Variants in GPC5 observed in about 807,000 individuals in gnomAD.
GPC5 encodes glypican-5.
GPC5 carries 47 observed loss-of-function variants against 53.9 expected under a neutral mutation model. That is an observed-to-expected ratio of 0.87 (90% CI 0.69 to 1.11). The LOEUF is 1.11. Ranked by LOEUF, GPC5 falls within the 50% of genes most tolerant of loss-of-function variation. The probability of loss-of-function intolerance (pLI) is 0.00; values close to 1 mark genes in which losing one functional copy is unlikely to be tolerated. For missense variants in GPC5, 748 were observed against 713.1 expected (o/e 1.05, Z -0.56); for synonymous variants, 286 against 263.3 (o/e 1.09, Z -0.84).
chr13:92,285,336 A>G (rs1426031347), intron 7 of GPC5, among the ~76,000 whole-genome samples: 3 of 152,216 alleles, frequency 2.0e-5, no homozygotes, highest in Admixed American at 1.3e-4. Context: ...TATAGATTCA[A>G]TGCCATCCCC....
chr13:92,611,987 C>T (rs1044933906), intron 7 of GPC5, among the ~76,000 whole-genome samples: 1 of 152,062 alleles, frequency 6.6e-6, no homozygotes, highest in African/African-American at 2.4e-5. Flanking sequence ...ATATTTTTAG[C>T]TCAGAGCTAT....
At chr13:92,487,569 C>T (rs1303776586) in intron 7 of GPC5, among the ~76,000 whole-genome samples, 1 of 152,088 alleles carries the variant, frequency 6.6e-6, no homozygotes, top group African/African-American at 2.4e-5. Flanking sequence ...GAGTAGAAAA[C>T]TTTCTGCATC....
At chr13:92,859,626 A>G (rs1387567949) in intron 7 of GPC5, among the ~76,000 whole-genome samples, 2 of 152,128 alleles carry the variant, frequency 1.3e-5, no homozygotes, top group African/African-American at 4.8e-5. Context: ...ACTAAGAACT[A>G]GTATATAACT....
chr13:92,385,728 C>T (rs1360129344), intron 7 of GPC5, among the ~76,000 whole-genome samples: 2 of 134,202 alleles, frequency 1.5e-5, no homozygotes, highest in East Asian at 4.4e-4. Context: ...TACATATATA[C>T]ATGTATATAT....
intron 1 of GPC5, among the ~76,000 whole-genome samples, chr13:91,403,962 T>A (rs1234624037): frequency 6.6e-6 from 1 of 152,194 alleles, no homozygotes; most frequent in South Asian, 2.1e-4. Context: ...ATCCCATAAT[T>A]TAAGTTCCAT....
chr13:92,185,058 C>T (rs1024386525), intron 7 of GPC5, among the ~76,000 whole-genome samples: 1 of 152,052 alleles, frequency 6.6e-6, no homozygotes, highest in Non-Finnish European at 1.5e-5. Context: ...TGCAATAGGA[C>T]AGAATGAGCC....
At chr13:92,167,820 CAATTT>C (rs2042042488) in intron 7 of GPC5, among the ~76,000 whole-genome samples, 2 of 150,188 alleles carry the variant, frequency 1.3e-5, no homozygotes, top group South Asian at 4.2e-4. Flanking sequence ...CTTTGTAGCT[CAATTT>C]AATTTTACTC....
In GPC5 at chr13:92,002,096, C is replaced by T. The variant is rs117377491; in HGVS notation, c.1401+94039C>T. ...TTTCTTTTTGTTTCCTTTTGTTTAC[C>T]CCTCTCTCTGTATGTTTTCTGAATA... On this transcript the variant is annotated intron_variant, in intron 6 of 7. Transcript: ENST00000377067. Among the ~76,000 whole-genome samples the T allele has an allele frequency of 2.0e-5, 3 of 151,782 alleles. No homozygotes were observed. The East Asian group carries it at 5.8e-4, about 29-fold the overall frequency.
chr13:92,576,593 C>T (rs1566301277), intron 7 of GPC5, among the ~76,000 whole-genome samples: 1 of 152,064 alleles, frequency 6.6e-6, no homozygotes, highest in Non-Finnish European at 1.5e-5. Context: ...ATGAATAACC[C>T]TGTAACTCTA....
intron 2 of GPC5, among the ~76,000 whole-genome samples, chr13:91,651,531 C>T (rs1335055733): frequency 6.6e-6 from 1 of 152,006 alleles, no homozygotes; most frequent in Non-Finnish European, 1.5e-5. Context: ...ACCTGCCTGA[C>T]CAACATGGAG....
intron 2 of GPC5, among the ~76,000 whole-genome samples, chr13:91,474,993 G>T (rs1183687282): frequency 6.6e-6 from 1 of 152,090 alleles, no homozygotes; most frequent in African/African-American, 2.4e-5. Context: ...AAGCATCAAA[G>T]AAATAGGATA....
intron 1 of GPC5, among the ~76,000 whole-genome samples, chr13:91,437,790 G>C (rs2139052476): frequency 6.6e-6 from 1 of 152,220 alleles, no homozygotes; most frequent in Middle Eastern, 3.4e-3. Flanking sequence ...TCACTTTCAG[G>C]TACACCAATC....
At chr13:92,561,690 T>C (rs1343925038) in intron 7 of GPC5, among the ~76,000 whole-genome samples, 1 of 152,050 alleles carries the variant, frequency 6.6e-6, no homozygotes, top group Non-Finnish European at 1.5e-5. Flanking sequence ...CTACAACTGA[T>C]TTAGTAAAGT....
intron 2 of GPC5, among the ~76,000 whole-genome samples, chr13:91,575,890 T>G (rs748887226): frequency 1.3e-5 from 2 of 152,180 alleles, no homozygotes; most frequent in African/African-American, 2.4e-5. Flanking sequence ...GCCACGTTAC[T>G]TTCAGTGTCA....
chr13:92,732,052 T>C (rs1888821657), intron 7 of GPC5, among the ~76,000 whole-genome samples: 1 of 151,258 alleles, frequency 6.6e-6, no homozygotes, highest in African/African-American at 2.4e-5. Context: ...TTGGTGAGAG[T>C]GCTTTAATTT....
intron 7 of GPC5, among the ~76,000 whole-genome samples, chr13:92,171,149 CT>C (rs1468061413): frequency 2.6e-5 from 4 of 152,108 alleles, no homozygotes; most frequent in African/African-American, 9.7e-5. Context: ...TGCTCACCCC[CT>C]TCCTCTTTTC....
intron 7 of GPC5, among the ~76,000 whole-genome samples, chr13:92,379,141 T>C (rs1406385886): frequency 6.6e-6 from 1 of 152,208 alleles, no homozygotes; most frequent in Non-Finnish European, 1.5e-5. Flanking sequence ...ACATAACTCA[T>C]TTATTTCTGC....
intron 5 of GPC5, among the ~76,000 whole-genome samples, chr13:91,790,400 C>T (rs1208398340): frequency 6.6e-6 from 1 of 152,174 alleles, no homozygotes; most frequent in Non-Finnish European, 1.5e-5. Context: ...CTTTTTCATG[C>T]ATTTACTACT....
At chr13:92,543,672 G>A (rs753735797) in intron 7 of GPC5, among the ~76,000 whole-genome samples, 13 of 152,076 alleles carry the variant, frequency 8.5e-5, no homozygotes, top group East Asian at 1.9e-4. Context: ...TTTTACAGGA[G>A]AGAGTGCGCA....
Sources: allele counts gnomAD v4.1 joint callset (sites outside exome capture counted in the v4.1 genomes callset), GRCh38; gene constraint gnomAD v4.1.1; transcripts MANE v1.5; gene names NCBI Gene and HGNC (gene_info 2026-07-23, HGNC 2026-07-21).